Variants in CNTNAP2 observed in about 807,000 individuals in gnomAD.
The protein encoded by CNTNAP2 is contactin associated protein 2, also known as contactin-associated protein-like 2.
A neutral mutation model predicts 155.2 loss-of-function variants in CNTNAP2; 98 were observed. The observed-to-expected ratio is 0.63, with a 90% CI of 0.54 to 0.75. CNTNAP2 has a LOEUF of 0.75. CNTNAP2 is among the 30% of genes least tolerant of loss of function. The pLI, the probability that CNTNAP2 is intolerant of heterozygous loss-of-function variation, is 0.00. For missense variants in CNTNAP2, 1,727 were observed against 1,688.1 expected, an observed-to-expected ratio of 1.02 and a Z score of -0.40; for synonymous variants, 651 against 631.2, an observed-to-expected ratio of 1.03 and a Z score of -0.47.
chr7:146,867,631 C>T (rs1399372132), intron 3 of CNTNAP2, among the ~76,000 whole-genome samples: 2 of 152,106 alleles, frequency 1.3e-5, no homozygotes, highest in Admixed American at 1.3e-4. Context: ...AGTTTACACC[C>T]ACCAACAGTG....
chr7:147,761,627 G>A (rs1331716595), intron 13 of CNTNAP2, among the ~76,000 whole-genome samples: 6 of 152,136 alleles, frequency 3.9e-5, no homozygotes, highest in South Asian at 2.1e-4. Context: ...TGCTGTACTC[G>A]AGGAGGATAT....
intron 10 of CNTNAP2, among the ~76,000 whole-genome samples, chr7:147,434,892 C>T (rs1306750273): frequency 6.6e-6 from 1 of 152,148 alleles, no homozygotes; most frequent in Admixed American, 6.6e-5. Context: ...AAGACTTGGC[C>T]TCTGTTTCAA....
chr7:147,531,492 G>A (rs541942074), intron 11 of CNTNAP2, among the ~76,000 whole-genome samples: 1 of 152,196 alleles, frequency 6.6e-6, no homozygotes, highest in Non-Finnish European at 1.5e-5. Flanking sequence ...ATCTACCAAG[G>A]CTTAGGGCTT....
intron 1 of CNTNAP2, among the ~76,000 whole-genome samples, chr7:146,478,770 A>G (rs1220926697): frequency 6.6e-6 from 1 of 152,074 alleles, no homozygotes; most frequent in Non-Finnish European, 1.5e-5. Context: ...GAGTCCGTGG[A>G]TGATTTAGAG....
chr7:148,224,969 G>A (rs1253081621), intron 19 of CNTNAP2, among the ~76,000 whole-genome samples: 1 of 152,148 alleles, frequency 6.6e-6, no homozygotes, highest in Non-Finnish European at 1.5e-5. Flanking sequence ...TCCCTCCCAT[G>A]GCACATGGGG....
chr7:148,074,175 G>A (rs948062204), intron 15 of CNTNAP2, among the ~76,000 whole-genome samples: 2 of 152,140 alleles, frequency 1.3e-5, no homozygotes, highest in African/African-American at 4.8e-5. Context: ...GCGTTAGAGT[G>A]CTTATGCTTT....
At chr7:147,653,952 C>T (rs765559026) in intron 13 of CNTNAP2, among the ~76,000 whole-genome samples, 2 of 152,162 alleles carry the variant, frequency 1.3e-5, no homozygotes, top group South Asian at 2.1e-4. Flanking sequence ...AGAGGATCAA[C>T]ATTATGAGAC....
intron 8 of CNTNAP2, among the ~76,000 whole-genome samples, chr7:147,256,346 G>A (rs555713102): frequency 3.3e-5 from 5 of 151,986 alleles, no homozygotes; most frequent in Non-Finnish European, 7.4e-5. Context: ...CCGAAGGGGT[G>A]TTGAGAGCTA....
chr7:146,466,028 G>A (rs772238216), intron 1 of CNTNAP2, among the ~76,000 whole-genome samples: 1 of 152,200 alleles, frequency 6.6e-6, no homozygotes, highest in Admixed American at 6.5e-5. Context: ...TTGGACCTCT[G>A]GTCTGGTTTT....
chr7:148,355,706 T>C (rs1472566259), intron 21 of CNTNAP2, among the ~76,000 whole-genome samples: 1 of 152,248 alleles, frequency 6.6e-6, no homozygotes, highest in Non-Finnish European at 1.5e-5. Flanking sequence ...TGAATCAACA[T>C]GGATGTAGCC....
intron 1 of CNTNAP2, among the ~76,000 whole-genome samples, chr7:146,656,945 A>T (rs529447820): frequency 6.6e-6 from 1 of 152,286 alleles, no homozygotes; most frequent in South Asian, 2.1e-4. Flanking sequence ...GTACATTGAG[A>T]TCCCAATTCA....
intron 3 of CNTNAP2, among the ~76,000 whole-genome samples, chr7:146,893,059 T>C (rs951608639): frequency 2.0e-5 from 3 of 152,162 alleles, no homozygotes; most frequent in African/African-American, 7.2e-5. Flanking sequence ...GTTTTATACA[T>C]ATGGACTTTT....
Position 148,253,048 on chromosome 7 carries a change from A to AGAT in CNTNAP2, c.3382-13983_3382-13982insTGA, listed in dbSNP as rs1433480807. Among the ~76,000 whole-genome samples the AGAT allele has an allele frequency of 2.4e-3, 167 of 69,544 alleles. 1 individual carries two copies. The highest frequency in any genetic ancestry group is 6.6e-3 in the African/African-American group (154 of 23,462). 45.6% of individuals were successfully genotyped at this position (69,544 alleles called of 152,430 possible). A position where few individuals can be genotyped will look rare whatever the true frequency, so the allele number is the denominator to read the frequency against. On this transcript the variant is annotated intron_variant, in intron 20 of 23. Coordinates refer to ENST00000361727, the MANE Select transcript of CNTNAP2 (RefSeq NM_014141.6). ...TAGATAGATAGATAGATAGATAGAT[A>AGAT]GACAGATGATAGATAGATAGATAGA... is the stretch of plus-strand genomic sequence containing the variant.
At chr7:147,260,161 C>A (rs1804424666) in intron 8 of CNTNAP2, among the ~76,000 whole-genome samples, 3 of 152,220 alleles carry the variant, frequency 2.0e-5, no homozygotes, top group Admixed American at 2.0e-4. Flanking sequence ...CCATATCTAA[C>A]AAAAGCTTTA....
intron 1 of CNTNAP2, among the ~76,000 whole-genome samples, chr7:146,354,411 ATTTT>A (rs10641636): frequency 1.5e-5 from 2 of 135,332 alleles, no homozygotes; most frequent in African/African-American, 5.6e-5. Context: ...TCTTGTTAGT[ATTTT>A]TTTTTTTTTT....
intron 1 of CNTNAP2, among the ~76,000 whole-genome samples, chr7:146,663,030 C>G (rs970072620): frequency 6.6e-6 from 1 of 152,006 alleles, no homozygotes; most frequent in Admixed American, 6.5e-5. Flanking sequence ...GGAATTCCAG[C>G]ACTTTGGAAG....
intron 13 of CNTNAP2, among the ~76,000 whole-genome samples, chr7:147,666,729 G>A (rs1795702530): frequency 6.6e-6 from 1 of 152,024 alleles, no homozygotes; most frequent in African/African-American, 2.4e-5. Flanking sequence ...CAAAATTCAT[G>A]GCTAATGTGT....
At chr7:146,588,090 G>A (rs979533987) in intron 1 of CNTNAP2, among the ~76,000 whole-genome samples, 4 of 151,392 alleles carry the variant, frequency 2.6e-5, no homozygotes, top group East Asian at 1.9e-4. Flanking sequence ...ATGGATTCAC[G>A]TTGCCATATA....
chr7:147,886,839 T>C (rs1410867583), intron 13 of CNTNAP2, among the ~76,000 whole-genome samples: 1 of 152,190 alleles, frequency 6.6e-6, no homozygotes, highest in Non-Finnish European at 1.5e-5. Context: ...ACTCTCCTAC[T>C]GACATTTCTT....
Sources: gnomAD v4.1 joint callset for allele counts (sites outside exome capture counted in the v4.1 genomes callset) on GRCh38, gnomAD v4.1.1 for gene constraint, MANE v1.5 for transcripts, NCBI Gene and HGNC (gene_info 2026-07-23, HGNC 2026-07-21) for gene names.